DSCAML1: variants seen among roughly 807,000 people sequenced by gnomAD.
DSCAML1 encodes the protein cell adhesion molecule DSCAML1.
A neutral mutation model predicts 200.5 loss-of-function variants in DSCAML1; 38 were observed. That is an observed-to-expected ratio of 0.19 (90% CI 0.15 to 0.25). The LOEUF is 0.25. Among genes scored for constraint, DSCAML1 ranks in the 10% least tolerant of loss-of-function variants. The pLI, the probability that DSCAML1 is intolerant of heterozygous loss-of-function variation, is 1.00. For missense variants in DSCAML1, 2,223 were observed against 2,858.8 expected (o/e 0.78, Z 5.07); for synonymous variants, 1,215 against 1,165.0 (o/e 1.04, Z -0.87).
At chr11:117,649,222 C>T (rs542327624) in intron 3 of DSCAML1, among the ~76,000 whole-genome samples, 5 of 152,118 alleles carry the variant, frequency 3.3e-5, no homozygotes, top group Non-Finnish European at 7.4e-5. Flanking sequence ...GGATTACAGG[C>T]GTGCACCCCC....
In DSCAML1 at chr11:117,667,041, G is replaced by A. The variant is rs138845972; in HGVS notation, c.511+109750C>T. On this transcript the variant is annotated intron_variant, in intron 3 of 32. Transcript: ENST00000651296. ...CAGGAGTCTGGACAGCAGCTGGGGG[G>A]TCCAAGGAGCAACACCCAGCTTTCC... Among the ~76,000 whole-genome samples, 41 of 152,296 alleles carry A rather than the reference G, an allele frequency of 2.7e-4. No homozygotes were observed. The East Asian group carries it at 7.9e-3, about 29-fold the overall frequency.
At chr11:117,799,913 G>A (rs1475775469), upstream of DSCAML1, among the ~76,000 whole-genome samples, 1 of 152,212 alleles carries the variant, frequency 6.6e-6, no homozygotes, top group Non-Finnish European at 1.5e-5. Context: ...CTGGGAGGAG[G>A]GAACAGCTCC....
chr11:117,654,147 G>T (rs573238733), intron 3 of DSCAML1, among the ~76,000 whole-genome samples: 1 of 152,178 alleles, frequency 6.6e-6, no homozygotes. Context: ...TCCAAAATAG[G>T]CAAATCTATA....
At chr11:117,580,162 T>C (rs958269464) in intron 3 of DSCAML1, among the ~76,000 whole-genome samples, 1 of 151,930 alleles carries the variant, frequency 6.6e-6, no homozygotes, top group Non-Finnish European at 1.5e-5. Context: ...AGGCAGAGAG[T>C]AGGGAGGAAA....
At chr11:117,751,547 A>C (rs1000392601) in intron 3 of DSCAML1, among the ~76,000 whole-genome samples, 1 of 152,072 alleles carries the variant, frequency 6.6e-6, no homozygotes, top group Admixed American at 6.5e-5. Context: ...TTGGACAGGA[A>C]GACAGGCAAG....
At chr11:117,625,853 A>C (rs900395685) in intron 3 of DSCAML1, among the ~76,000 whole-genome samples, 5 of 152,222 alleles carry the variant, frequency 3.3e-5, no homozygotes, top group Admixed American at 6.5e-5. Context: ...TACGGTGCAG[A>C]TCCAAATGCC....
At chr11:117,772,245 C>T (rs2134038536) in intron 3 of DSCAML1, among the ~76,000 whole-genome samples, 1 of 152,250 alleles carries the variant, frequency 6.6e-6, no homozygotes, top group Admixed American at 6.5e-5. Context: ...TCTAGGGAGG[C>T]TGGTAGTTTA....
intron 3 of DSCAML1, among the ~76,000 whole-genome samples, chr11:117,571,443 C>G (rs1208820366): frequency 1.3e-5 from 2 of 152,184 alleles, no homozygotes; most frequent in African/African-American, 4.8e-5. Flanking sequence ...GGAGCCCACT[C>G]TCTGGACTCT....
chr11:117,707,777 C>T (rs1241769121), intron 3 of DSCAML1, among the ~76,000 whole-genome samples: 2 of 152,302 alleles, frequency 1.3e-5, no homozygotes, highest in Non-Finnish European at 2.9e-5. Context: ...TCGTGATCCA[C>T]CGGCCTCAGC....
chr11:117,649,039 A>ATGTGTGTG (rs1360372357), intron 3 of DSCAML1, among the ~76,000 whole-genome samples: 1 of 131,454 alleles, frequency 7.6e-6, no homozygotes, highest in African/African-American at 3.2e-5. Flanking sequence ...CTCTCCATAT[A>ATGTGTGTG]TATGTGTGTG....
At chr11:117,662,555 C>T (rs906771098) in intron 3 of DSCAML1, among the ~76,000 whole-genome samples, 56 of 152,324 alleles carry the variant, frequency 3.7e-4, no homozygotes, top group African/African-American at 1.3e-3. Context: ...CTCTGAGATC[C>T]CTTCCATCCT....
At chr11:117,445,465 C>T (rs1343801751) in intron 20 of DSCAML1, among the ~76,000 whole-genome samples, 1 of 152,200 alleles carries the variant, frequency 6.6e-6, no homozygotes, top group Non-Finnish European at 1.5e-5. Flanking sequence ...GTGGCTTCAA[C>T]ACCCTCCTGC....
At chr11:117,809,480 C>A (rs2055737840) in intron 1 of DSCAML1, among the ~76,000 whole-genome samples, 1 of 152,246 alleles carries the variant, frequency 6.6e-6, no homozygotes, top group Admixed American at 6.5e-5. Flanking sequence ...TGGTGTCTGC[C>A]TCCCCCTAGT....
chr11:117,532,131 C>CA (rs397767566), intron 4 of DSCAML1, among the ~76,000 whole-genome samples: 27,318 of 139,168 alleles, frequency 0.2, 2,768 homozygotes, highest in South Asian at 0.41. Flanking sequence ...ACAGGAAAGA[C>CA]AAAAAAAAAA....
chr11:117,712,420 A>C (rs1462338503), intron 3 of DSCAML1, among the ~76,000 whole-genome samples: 1 of 152,136 alleles, frequency 6.6e-6, no homozygotes, highest in African/African-American at 2.4e-5. Context: ...ACAGAAAAGC[A>C]CAGTTTCAGG....
intron 20 of DSCAML1, among the ~76,000 whole-genome samples, chr11:117,444,447 G>A (rs1393891415): frequency 6.6e-6 from 1 of 152,144 alleles, no homozygotes; most frequent in Non-Finnish European, 1.5e-5. Context: ...TGCCTGATGA[G>A]GGTTGGAGAC....
intron 1 of DSCAML1, among the ~76,000 whole-genome samples, chr11:117,804,009 T>C (rs1164534140): frequency 6.6e-6 from 1 of 152,234 alleles, no homozygotes; most frequent in Non-Finnish European, 1.5e-5. Flanking sequence ...TCACTGTGAC[T>C]GGCCACCAGC....
intron 21 of DSCAML1, among the ~76,000 whole-genome samples, chr11:117,440,944 AAAAG>A (rs2048033353): frequency 6.7e-6 from 1 of 149,954 alleles, no homozygotes; most frequent in Non-Finnish European, 1.5e-5. Context: ...AAAAAAAAAA[AAAAG>A]GAGTGGTGTC....
chr11:117,541,885 T>TTAGG (rs10632866), intron 3 of DSCAML1, among the ~76,000 whole-genome samples: 23,707 of 150,968 alleles, frequency 0.16, 2,102 homozygotes, highest in South Asian at 0.39. Context: ...CTCTTCTTCG[T>TTAGG]TAGGTGATTA....
Sources: gnomAD v4.1 joint callset for allele counts (sites outside exome capture counted in the v4.1 genomes callset) on GRCh38, gnomAD v4.1.1 for gene constraint, MANE v1.5 for transcripts, NCBI Gene and HGNC (gene_info 2026-07-23, HGNC 2026-07-21) for gene names.